The following ASTN2 variants were observed in gnomAD, a reference collection of about 807,000 sequenced individuals.
ASTN2 encodes the protein astrotactin-2.
A neutral mutation model predicts 139.8 loss-of-function variants in ASTN2; 54 were observed. The observed-to-expected ratio is 0.39, with a 90% confidence interval of 0.31 to 0.48. The LOEUF (loss-of-function observed/expected upper bound fraction) is 0.48, where lower values mean the gene tolerates loss of function less well. ASTN2 is among the 20% of genes least tolerant of loss of function. The pLI, the probability that ASTN2 is intolerant of heterozygous loss-of-function variation, is 0.95. For synonymous variants in ASTN2, 756 were observed against 719.5 expected (o/e 1.05, Z -0.81); for missense variants, 1,565 against 1,725.1 (o/e 0.91, Z 1.64).
rs367843991 is a variant in ASTN2, at chr9:117,295,209, C to G, written c.443-3696G>C. 1.1e-4 allele frequency among the ~76,000 whole-genome samples: 16 copies of G among 152,236 alleles called. No homozygotes were observed. The East Asian group carries it at 2.5e-3, about 24-fold the overall frequency. Reference sequence around the variant, plus strand: ...TGGTGGCATGTACCTGTAATCCCAGCTACTCAGGAGGCAGAGGCCCAAGAA... The same window carrying G: ...TGGTGGCATGTACCTGTAATCCCAGGTACTCAGGAGGCAGAGGCCCAAGAA... On this transcript the variant is annotated intron_variant, in intron 1 of 22. Coordinates refer to ENST00000313400, the MANE Select transcript of ASTN2 (RefSeq NM_001365068.1).
intron 3 of ASTN2, among the ~76,000 whole-genome samples, chr9:117,148,275 C>T (rs1389198765): frequency 2.0e-5 from 3 of 152,154 alleles, no homozygotes; most frequent in African/African-American, 4.8e-5. Context: ...CTGTAAATGT[C>T]TGCAGGGTTC....
At chr9:116,511,693 T>C (rs1230144756) in intron 19 of ASTN2, among the ~76,000 whole-genome samples, 2 of 152,186 alleles carry the variant, frequency 1.3e-5, no homozygotes, top group African/African-American at 4.8e-5. Flanking sequence ...CTGTGATTGG[T>C]CTATTCAGAG....
chr9:116,498,301 C>T (rs2119126130), intron 19 of ASTN2, among the ~76,000 whole-genome samples: 1 of 152,182 alleles, frequency 6.6e-6, no homozygotes, highest in Middle Eastern at 3.4e-3. Context: ...GATATCAGGG[C>T]CAGGCACAGT....
chr9:116,722,364 G>A (rs1430020024), intron 16 of ASTN2, among the ~76,000 whole-genome samples: 1 of 152,226 alleles, frequency 6.6e-6, no homozygotes, highest in African/African-American at 2.4e-5. Flanking sequence ...TTAGGGGAAT[G>A]AGAGTAAAGT....
Position 117,414,777 on chromosome 9 carries a change from A to G in ASTN2, c.162T>C (p.Ala54=). 1 of 1,261,706 alleles carries G rather than the reference A, an allele frequency of 7.9e-7. No individual in the cohort carries two copies. Among genetic ancestry groups the G allele is most frequent in the African/African-American group, 1.6e-5 (1 of 63,116 alleles). The allele number at this position is 1,261,706 out of a possible 1,614,324, so 78.2% of individuals were successfully genotyped here. Residue 54 remains alanine, a synonymous_variant, in exon 1 of 23, where the codon GCT becomes GCC. Transcript: ENST00000313400. The surrounding 1 kb of genome is among the most constrained non-coding windows in gnomAD (Gnocchi z 4.2). ...ACGGGCTGTCGGGCTCCCGCGAGGC[A>G]GCGGCGGTGGCGCCGGCCAGCAGCG... The part of the protein sequence containing the change: ...PPPLLAGATA[A]ASREPDSPCR...
chr9:117,164,684 A>T (rs1830630354), intron 3 of ASTN2, among the ~76,000 whole-genome samples: 1 of 152,054 alleles, frequency 6.6e-6, no homozygotes, highest in Admixed American at 6.6e-5. Context: ...TCAGGGCATA[A>T]AGATAGGGAT....
intron 3 of ASTN2, among the ~76,000 whole-genome samples, chr9:117,183,532 C>G (rs150615970): frequency 1.3e-5 from 2 of 152,112 alleles, no homozygotes; most frequent in Non-Finnish European, 2.9e-5. Context: ...ATTTTAGAAA[C>G]GAGGACAGTG....
rs190773680 is a variant in ASTN2 at position 116,782,259 on chromosome 9, C to T, written c.2396+23373G>A. Among the ~76,000 whole-genome samples, 434 of 152,184 alleles carry T rather than the reference C, an allele frequency of 2.9e-3. 1 individual carries two copies. Among genetic ancestry groups the T allele is most frequent in the Non-Finnish European group, 4.4e-3 (296 of 68,016 alleles). ...AAGCAAGAGTTGTAGAAGAATGAAGCGACAGATTTAAAATTAACTTGCCAA... is the reference window on the plus strand; with the variant it reads ...AAGCAAGAGTTGTAGAAGAATGAAGTGACAGATTTAAAATTAACTTGCCAA... On this transcript the variant is annotated intron_variant, in intron 13 of 22. Transcript: ENST00000313400.
intron 4 of ASTN2, among the ~76,000 whole-genome samples, chr9:117,110,122 TAAA>T (rs1829214086): frequency 6.6e-6 from 1 of 152,222 alleles, no homozygotes; most frequent in Admixed American, 6.5e-5. Context: ...TCTTTTGAAA[TAAA>T]AAAGTTATTT....
chr9:116,937,837 C>T (rs1285228033), intron 10 of ASTN2, among the ~76,000 whole-genome samples: 1 of 152,192 alleles, frequency 6.6e-6, no homozygotes, highest in Non-Finnish European at 1.5e-5. Context: ...CCCTCATCTG[C>T]AGAGATAAAT....
chr9:117,208,870 G>T (rs1056144757), intron 3 of ASTN2, among the ~76,000 whole-genome samples: 58 of 152,140 alleles, frequency 3.8e-4, no homozygotes, highest in African/African-American at 1.4e-3. Context: ...ACTGTACCTA[G>T]CAAAGTTATC....
At chr9:117,329,144 C>G (rs2130845109) in intron 1 of ASTN2, among the ~76,000 whole-genome samples, 1 of 149,666 alleles carries the variant, frequency 6.7e-6, no homozygotes, top group East Asian at 2.0e-4. Flanking sequence ...GCACCTTCTT[C>G]CAGGCCAAGC....
intron 4 of ASTN2, among the ~76,000 whole-genome samples, chr9:117,140,723 G>A (rs1159595370): frequency 6.6e-6 from 1 of 152,072 alleles, no homozygotes; most frequent in Admixed American, 6.5e-5. Flanking sequence ...AAAGGAGCAG[G>A]AAGAAAATAT....
chr9:117,279,490 A>G (rs1045889102), intron 2 of ASTN2, among the ~76,000 whole-genome samples: 1 of 152,240 alleles, frequency 6.6e-6, no homozygotes, highest in African/African-American at 2.4e-5. Flanking sequence ...ACCATTTTAC[A>G]GTTGAGAAGA....
At position 117,311,387 on chromosome 9, in the gene ASTN2, A is replaced by T. The variant is rs77334464; in HGVS notation, c.443-19874T>A. 7.4e-3 allele frequency among the ~76,000 whole-genome samples: 1,134 copies of T among 152,246 alleles called. 9 individuals are homozygous for T. Among genetic ancestry groups the T allele is most frequent in the South Asian group, 0.015 (70 of 4,816 alleles). On this transcript the variant is annotated intron_variant, in intron 1 of 22. Transcript: ENST00000313400. ...TTTTCAGAGCCCTGTTTCCCACCAGAGGCACATACCAGTTATTCTGGCTCC... is the reference window on the plus strand; with the variant it reads ...TTTTCAGAGCCCTGTTTCCCACCAGTGGCACATACCAGTTATTCTGGCTCC...
chr9:117,189,531 A>T (rs949652073), intron 3 of ASTN2, among the ~76,000 whole-genome samples: 12 of 152,340 alleles, frequency 7.9e-5, no homozygotes, highest in African/African-American at 2.9e-4. Context: ...TGAAATGAAT[A>T]TTTCAGACAA....
At chr9:117,134,577 C>T (rs1829907446) in intron 4 of ASTN2, among the ~76,000 whole-genome samples, 1 of 151,928 alleles carries the variant, frequency 6.6e-6, no homozygotes, top group South Asian at 2.1e-4. Flanking sequence ...TTCCCGTTAC[C>T]CCCTGCACAG....
At chr9:116,830,641 A>C (rs979774608) in intron 11 of ASTN2, among the ~76,000 whole-genome samples, 2 of 151,942 alleles carry the variant, frequency 1.3e-5, no homozygotes, top group Admixed American at 1.3e-4. Flanking sequence ...AAAGTACAAA[A>C]ATTAGCCAGG....
At chr9:116,696,798 T>C (rs559000597) in intron 16 of ASTN2, among the ~76,000 whole-genome samples, 2 of 152,226 alleles carry the variant, frequency 1.3e-5, no homozygotes, top group South Asian at 4.1e-4. Flanking sequence ...GATGGGTGGA[T>C]AGGTGAGTAA....
Sources: gnomAD v4.1 joint callset for allele counts (sites outside exome capture counted in the v4.1 genomes callset) on GRCh38, gnomAD v4.1.1 for gene constraint, Gnocchi (gnomAD v3.1) non-coding constraint, MANE v1.5 for transcripts, NCBI Gene and HGNC (gene_info 2026-07-23, HGNC 2026-07-21) for gene names.